LYPLAL1: variants seen among roughly 807,000 people sequenced by gnomAD.
LYPLAL1 encodes lysophospholipase-like protein 1.
Under a neutral mutation model 19.7 loss-of-function variants are expected in LYPLAL1, and 23 were observed. The ratio of observed to expected loss-of-function variants is 1.17; its 90% confidence interval spans 0.84 to 1.65. The LOEUF (loss-of-function observed/expected upper bound fraction) is 1.65. Ranked by LOEUF, LYPLAL1 falls within the 40% of genes most tolerant of loss-of-function variation. LYPLAL1 has a pLI of 0.00. For missense variants in LYPLAL1, 355 were observed against 279.4 expected (o/e 1.27, Z -1.93); for synonymous variants, 119 against 96.3 (o/e 1.24, Z -1.38).
At chr1:219,228,040 T>A in the LYPLAL1 span, among the ~76,000 whole-genome samples, 3 of 152,164 alleles carry the variant, frequency 2.0e-5, no homozygotes, top group African/African-American at 7.2e-5. Context: ...TCAGACTGAC[T>A]CCCTCTCTGG....
At chr1:219,428,944 A>C in the LYPLAL1 span, among the ~76,000 whole-genome samples, 2 of 64,866 alleles carry the variant, frequency 3.1e-5, no homozygotes, top group African/African-American at 1.8e-4. Flanking sequence ...TTGTGTGTGC[A>C]TCTGTGTGTG....
At chr1:219,302,193 G>C in the LYPLAL1 span, among the ~76,000 whole-genome samples, 1 of 152,030 alleles carries the variant, frequency 6.6e-6, no homozygotes, top group Non-Finnish European at 1.5e-5. Flanking sequence ...TACTTCATTT[G>C]TACTTACCTC....
the LYPLAL1 span, among the ~76,000 whole-genome samples, chr1:219,249,033 ACT>A: frequency 1.3e-5 from 2 of 151,574 alleles, no homozygotes; most frequent in African/African-American, 2.4e-5. Context: ...TTATTCACTT[ACT>A]CTCTCTTTTT....
chr1:219,216,277 C>G (rs551754771), downstream of LYPLAL1, among the ~76,000 whole-genome samples: 1 of 151,610 alleles, frequency 6.6e-6, no homozygotes, highest in Non-Finnish European at 1.5e-5. Context: ...TTTTGTTGGT[C>G]CCTTTATAAT....
chr1:219,311,334 G>A, the LYPLAL1 span, among the ~76,000 whole-genome samples: 1 of 152,110 alleles, frequency 6.6e-6, no homozygotes, highest in Non-Finnish European at 1.5e-5. Context: ...GTTGGATGCT[G>A]TAATCTACAG....
At chr1:219,229,754 T>TG in the LYPLAL1 span, among the ~76,000 whole-genome samples, 1 of 152,174 alleles carries the variant, frequency 6.6e-6, no homozygotes. Flanking sequence ...GTTTGAGCAG[T>TG]GGGACACTAA....
At chr1:219,304,858 T>G in the LYPLAL1 span, among the ~76,000 whole-genome samples, 1 of 152,286 alleles carries the variant, frequency 6.6e-6, no homozygotes, top group Admixed American at 6.5e-5. Context: ...GTCGCAGGAA[T>G]GAAGAACAAA....
the LYPLAL1 span, among the ~76,000 whole-genome samples, chr1:219,367,519 A>C: frequency 6.6e-6 from 1 of 152,192 alleles, no homozygotes; most frequent in Non-Finnish European, 1.5e-5. Context: ...TTAGAAAAAA[A>C]AAAGTGCCAA....
At chr1:219,294,818 T>G in the LYPLAL1 span, among the ~76,000 whole-genome samples, 1 of 152,178 alleles carries the variant, frequency 6.6e-6, no homozygotes, top group Admixed American at 6.5e-5. Flanking sequence ...AGAAGCAATA[T>G]TGTCCAGAGA....
At chr1:219,190,836 C>T (rs891799351) in intron 2 of LYPLAL1, among the ~76,000 whole-genome samples, 11 of 151,420 alleles carry the variant, frequency 7.3e-5, no homozygotes, top group African/African-American at 2.7e-4. Context: ...AGTTTTAGAA[C>T]AGGCAAAAGA....
chr1:219,440,457 A>G, the LYPLAL1 span, among the ~76,000 whole-genome samples: 1 of 152,144 alleles, frequency 6.6e-6, no homozygotes, highest in African/African-American at 2.4e-5. Flanking sequence ...TAGAGAAAAC[A>G]TAACATCAAA....
At chr1:219,304,405 G>T in the LYPLAL1 span, among the ~76,000 whole-genome samples, 2 of 152,236 alleles carry the variant, frequency 1.3e-5, no homozygotes, top group South Asian at 4.1e-4. Flanking sequence ...TGGGTAGCCT[G>T]CCAGGTGGCA....
chr1:219,206,175 T>A (rs1016723667), intron 3 of LYPLAL1, among the ~76,000 whole-genome samples: 1 of 152,132 alleles, frequency 6.6e-6, no homozygotes, highest in African/African-American at 2.4e-5. Context: ...AGATTGTTTC[T>A]GTTTTATTTT....
At chr1:219,178,993 A>T (rs541149856) in intron 1 of LYPLAL1, among the ~76,000 whole-genome samples, 154 bp from the exon 2 acceptor site, 1 of 152,162 alleles carries the variant, frequency 6.6e-6, no homozygotes. Flanking sequence ...GTTAATTCAT[A>T]TTAGTAAGTC....
the LYPLAL1 span, among the ~76,000 whole-genome samples, chr1:219,394,279 G>T: frequency 6.6e-5 from 10 of 152,092 alleles, no homozygotes; most frequent in Admixed American, 2.0e-4. Context: ...TCAAATATTT[G>T]TACAATTACA....
At chr1:219,253,476 T>A in the LYPLAL1 span, among the ~76,000 whole-genome samples, 2 of 152,064 alleles carry the variant, frequency 1.3e-5, no homozygotes, top group Admixed American at 1.3e-4. Context: ...GTATGTTGTA[T>A]CTTGGTTCTT....
chr1:219,379,738 G>A, the LYPLAL1 span, among the ~76,000 whole-genome samples: 14 of 152,186 alleles, frequency 9.2e-5, no homozygotes, highest in Non-Finnish European at 1.3e-4. Flanking sequence ...TATTCATTTG[G>A]ACAGATAATT....
the LYPLAL1 span, among the ~76,000 whole-genome samples, chr1:219,251,377 C>T: frequency 1.3e-5 from 2 of 151,580 alleles, no homozygotes; most frequent in Admixed American, 6.6e-5. Context: ...CTATGTATTG[C>T]CTAGGTTGTC....
At chr1:219,230,446 G>A in the LYPLAL1 span, among the ~76,000 whole-genome samples, 1,150 of 152,256 alleles carry the variant, frequency 7.6e-3, 4 homozygotes, top group South Asian at 0.023. Context: ...ACTTAGCAAA[G>A]TCAATTCATT....
Sources: allele counts gnomAD v4.1 joint callset (sites outside exome capture counted in the v4.1 genomes callset), GRCh38; gene constraint gnomAD v4.1.1; transcripts MANE v1.5; gene names NCBI Gene and HGNC (gene_info 2026-07-23, HGNC 2026-07-21).